Variants in RAC2 observed in about 807,000 individuals in gnomAD.
RAC2 encodes ras-related C3 botulinum toxin substrate 2.
A neutral mutation model predicts 24.0 loss-of-function variants in RAC2; 1 was observed. That is an observed-to-expected ratio of 0.04 (90% CI 0.01 to 0.20). RAC2 has a LOEUF of 0.20. RAC2 is among the 10% of genes least tolerant of loss of function. The probability of loss-of-function intolerance (pLI) is 1.00; values close to 1 mark genes in which losing one functional copy is unlikely to be tolerated. For synonymous variants in RAC2, 114 were observed against 106.8 expected (o/e 1.07, Z -0.41); for missense variants, 130 against 259.1 (o/e 0.50, Z 3.42).
At chr22:37,238,713 C>G (rs931635748) in intron 2 of RAC2, among the ~76,000 whole-genome samples, 1 of 152,212 alleles carries the variant, frequency 6.6e-6, no homozygotes, top group East Asian at 1.9e-4. Flanking sequence ...CTCAGGCTCC[C>G]CATCTGCGAA....
Position 37,241,751 on chromosome 22 carries a change from T to A in RAC2, c.36-93A>T, listed in dbSNP as rs960493624. 5 of 1,173,170 alleles carry A rather than the reference T, an allele frequency of 4.3e-6. No individual in the cohort carries two copies. In the African/African-American group the frequency reaches 6.1e-5, roughly 14 times the overall value. 72.7% of individuals were successfully genotyped at this position (1,173,170 alleles called of 1,614,324 possible). Reference sequence around the variant, plus strand: ...CTGGTCCTCTGCAAAGACCTCAGCATCCACCCAGCCTAGCCCTCTGGGCCT... The same window carrying A: ...CTGGTCCTCTGCAAAGACCTCAGCAACCACCCAGCCTAGCCCTCTGGGCCT... On this transcript the variant is annotated intron_variant, in intron 1 of 6. Transcript: ENST00000249071.
chr22:37,228,156 T>C (rs1157266859), intron 5 of RAC2, among the ~76,000 whole-genome samples: 1 of 152,150 alleles, frequency 6.6e-6, no homozygotes, highest in Non-Finnish European at 1.5e-5. Flanking sequence ...AAACTGAGGC[T>C]CCTGGAGAGT....
intron 3 of RAC2, chr22:37,232,268 C>T (rs1371212221): frequency 1.1e-5 from 6 of 542,826 alleles, no homozygotes; most frequent in Non-Finnish European, 1.7e-5. Context: ...ATTCCTCAGA[C>T]AGGGAAAGTG....
rs192479531 is a variant in RAC2, at chr22:37,231,078, C to G, written c.448+153G>C. 6.6e-6 allele frequency among the ~76,000 whole-genome samples: 1 copy of G among 152,178 alleles called. No homozygotes were observed. Among genetic ancestry groups the G allele is most frequent in the Non-Finnish European group, 1.5e-5 (1 of 68,018 alleles). Reference sequence around the variant, plus strand: ...AGGAAACACAGGCAGAGAGAGGCTACGTGACTCGCCCAAGGTCACACAGCA... The same window carrying G: ...AGGAAACACAGGCAGAGAGAGGCTAGGTGACTCGCCCAAGGTCACACAGCA... On this transcript the variant is annotated intron_variant, in intron 5 of 6. Coordinates refer to ENST00000249071, the MANE Select transcript of RAC2 (RefSeq NM_002872.5). This position sits in a 1 kb window ranked among gnomAD's most constrained non-coding sequence, Gnocchi z 5.5.
At chr22:37,232,024 G>A (rs1927081125) in intron 3 of RAC2, 30 bp from the exon 4 acceptor site, 1 of 1,550,504 alleles carries the variant, frequency 6.4e-7, no homozygotes, top group Non-Finnish European at 8.7e-7. Flanking sequence ...GGTTGCTAGT[G>A]AGGAGGGCCC....
intron 1 of RAC2, among the ~76,000 whole-genome samples, chr22:37,243,344 A>T (rs1927463236): frequency 1.3e-5 from 2 of 152,068 alleles, no homozygotes; most frequent in Non-Finnish European, 2.9e-5. Context: ...CCCCCAGGGG[A>T]CAAGACAGCC....
rs1462869255 is a variant in RAC2 at position 37,226,791 on chromosome 22, T to C, written c.461A>G (p.Tyr154Cys). The change falls in exon 6 of 7, where the codon TAC becomes TGC. Residue 154 changes from tyrosine to cysteine, a missense_variant. By Grantham distance (194) the Tyr-to-Cys change is radical. Around this residue, in one of 2 missense-constraint regions of RAC2, gnomAD observed 119 missense variants for 192.1 expected, o/e 0.62. Coordinates refer to ENST00000249071, the MANE Select transcript of RAC2 (RefSeq NM_002872.5). ...CTGGGTGAGAGCTGAGCACTCCAGG[T>C]ATTTCACCGAGTCTGGTTGGGGAGA... ...ALAKEIDSVK[Y>C]LECSALTQRG... 1 of 1,612,626 alleles carries C rather than the reference T, an allele frequency of 6.2e-7. No individual in the cohort carries two copies.
At chr22:37,233,029 C>T (rs937446750) in intron 2 of RAC2, 111 bp from the exon 3 acceptor site, 7 of 801,944 alleles carry the variant, frequency 8.7e-6, no homozygotes, top group South Asian at 4.2e-5. Flanking sequence ...AGACAGTCTG[C>T]GACTGGCCCA....
At position 37,244,194 on chromosome 22, in the gene RAC2, G is replaced by GGC. The variant is rs778432994; in HGVS notation, c.-48_-47dup. ...TGTCGGTGGTGACAGCTCAGGGCCAGGCGCGTTTCTGCGGGCGCAAGGGGT... is the reference window on the plus strand; with the variant it reads ...TGTCGGTGGTGACAGCTCAGGGCCAGGCGCGCGTTTCTGCGGGCGCAAGGGGT... On this transcript the variant is annotated 5_prime_UTR_variant, in exon 1 of 7. Transcript: ENST00000249071. The GGC allele has an allele frequency of 7.5e-6, 12 of 1,610,072 alleles. No homozygotes were observed. The South Asian group carries it at 1.3e-4, about 18-fold the overall frequency.
chr22:37,226,848 G>GTGC (rs199606700), intron 5 of RAC2, 45 bp from the exon 6 acceptor site: 298 of 1,565,156 alleles, frequency 1.9e-4, no homozygotes, highest in Non-Finnish European at 2.3e-4. Context: ...AAGTGGCGGG[G>GTGC]GGGGTTCTGG....
intron 2 of RAC2, among the ~76,000 whole-genome samples, chr22:37,233,211 C>T (rs971100248): frequency 6.6e-6 from 1 of 152,190 alleles, no homozygotes; most frequent in Non-Finnish European, 1.5e-5. Context: ...ACTTTTCCTC[C>T]CAGTCTTGAT....
chr22:37,235,914 G>A (rs1927208152), intron 2 of RAC2, among the ~76,000 whole-genome samples: 1 of 152,194 alleles, frequency 6.6e-6, no homozygotes, highest in Admixed American at 6.5e-5. Context: ...CAGGCAGGGG[G>A]CTGAGGGTCT....
rs138762569 is a variant in RAC2, at chr22:37,226,705, G to T, written c.547C>A (p.Arg183=). 5 of 1,613,048 alleles carry T rather than the reference G, an allele frequency of 3.1e-6. No individual in the cohort carries two copies. Among genetic ancestry groups the T allele is most frequent in the South Asian group, 1.1e-5 (1 of 91,080 alleles). ...AGGCTGCAGGCGCGCTTCTGCTGCC[G>T]CGTGGGCTGAGGGCACAGCACGGCC... The part of the protein sequence containing the change: ...IRAVLCPQPT[R]QQKRACSLL The change falls in exon 6 of 7, where the codon CGG becomes AGG. Residue 183 remains arginine, a synonymous_variant. Transcript: ENST00000249071.
At chr22:37,229,692 C>A (rs1285031769) in intron 5 of RAC2, among the ~76,000 whole-genome samples, 1 of 152,234 alleles carries the variant, frequency 6.6e-6, no homozygotes, top group African/African-American at 2.4e-5. Context: ...TGCCCCTGCC[C>A]CAGCTCCATG....
chr22:37,231,592 G>C lies in RAC2; in HGVS notation c.289-202C>G. The C allele has an allele frequency of 1.6e-6, 1 of 611,656 alleles. No homozygotes were observed. Among genetic ancestry groups the C allele is most frequent in the Non-Finnish European group, 2.9e-6 (1 of 345,448 alleles). 37.9% of individuals were successfully genotyped at this position (611,656 alleles called of 1,614,324 possible). A position where few individuals can be genotyped will look rare whatever the true frequency, so the allele number is the denominator to read the frequency against. On this transcript the variant is annotated intron_variant, in intron 4 of 6. Transcript: ENST00000249071. This position sits in a 1 kb window ranked among gnomAD's most constrained non-coding sequence, Gnocchi z 5.5. ...GCCACGACGTTGTGCAGGAAGGAGGGGGCGCATGATTGTAGGAAAGGAGGA... is the reference window on the plus strand; with the variant it reads ...GCCACGACGTTGTGCAGGAAGGAGGCGGCGCATGATTGTAGGAAAGGAGGA...
intron 5 of RAC2, among the ~76,000 whole-genome samples, chr22:37,227,602 ACCATACACC>A (rs1926918945): frequency 1.3e-4 from 1 of 7,512 alleles, no homozygotes. Context: ...CGCCTCCCAC[ACCATACACC>A]CCTCCCACGC....
intron 2 of RAC2, among the ~76,000 whole-genome samples, chr22:37,239,141 C>A (rs1927319460): frequency 2.0e-5 from 3 of 152,160 alleles, no homozygotes; most frequent in Admixed American, 2.0e-4. Flanking sequence ...GGGGCACAGG[C>A]ATTGGCAGTA....
intron 3 of RAC2, 154 bp downstream of exon 3, chr22:37,232,647 T>G: frequency 4.4e-6 from 3 of 678,546 alleles, no homozygotes; most frequent in Non-Finnish European, 8.0e-6. Context: ...GAAGCCCTTC[T>G]CTGCCTGGGA....
chr22:37,227,632 T>C (rs1601669394), intron 5 of RAC2, among the ~76,000 whole-genome samples: 5 of 22,662 alleles, frequency 2.2e-4, no homozygotes, highest in Non-Finnish European at 2.6e-4. Context: ...CATACACCCC[T>C]CCTATGCCAT....
Sources: allele counts gnomAD v4.1 joint callset (sites outside exome capture counted in the v4.1 genomes callset), GRCh38; gene constraint gnomAD v4.1.1; regional missense constraint gnomAD v4.1.1; non-coding constraint Gnocchi (gnomAD v3.1); transcripts MANE v1.5; gene names NCBI Gene and HGNC (gene_info 2026-07-23, HGNC 2026-07-21).